ADPRHL1: variants seen among roughly 807,000 people sequenced by gnomAD.
ADPRHL1 encodes inactive ADP-ribosyltransferase ARH2.
ADPRHL1 carries 43 observed loss-of-function variants against 44.1 expected under a neutral mutation model. The observed-to-expected ratio is 0.98, with a 90% CI of 0.76 to 1.26. The LOEUF is 1.26. Ranked by LOEUF, ADPRHL1 falls within the 50% of genes most tolerant of loss-of-function variation. The probability of loss-of-function intolerance (pLI) is 0.00; values close to 1 mark genes in which losing one functional copy is unlikely to be tolerated. For synonymous variants in ADPRHL1, 878 were observed against 1,017.4 expected (o/e 0.86, Z 2.61); for missense variants, 2,022 against 2,496.9 (o/e 0.81, Z 4.05).
chr13:113,423,016 C>G (rs765192950), intron 6 of ADPRHL1, 37 bp from the exon 7 acceptor site: 1 of 1,611,416 alleles, frequency 6.2e-7, no homozygotes, highest in South Asian at 1.1e-5. Context: ...TGGGCTCCAC[C>G]TGACCAGGGC....
At chr13:113,427,412 C>T (rs2043975143) in intron 4 of ADPRHL1, among the ~76,000 whole-genome samples, 2 of 152,252 alleles carry the variant, frequency 1.3e-5, no homozygotes, top group African/African-American at 2.4e-5. Context: ...CCCGGCACCA[C>T]CGGCTTAGCC....
intron 1 of ADPRHL1, among the ~76,000 whole-genome samples, chr13:113,450,094 G>A (rs930392243): frequency 1.3e-5 from 2 of 152,182 alleles, no homozygotes; most frequent in African/African-American, 2.4e-5. Flanking sequence ...CACCATTGTC[G>A]TTTTGTAGAG....
rs1401423004 is a variant in ADPRHL1, at chr13:113,409,105, C to T, written c.1062-885G>A. ...GTGAGATGTTTTTCTGCAGGTTCAC[C>T]AGGGATTCCTTCCCACCAGCCCAGC... On this transcript the variant is annotated intron_variant, in intron 7 of 7. Transcript: ENST00000612156. This position sits in a 1 kb window ranked among gnomAD's most constrained non-coding sequence, Gnocchi z 4.2. 6.6e-6 allele frequency among the ~76,000 whole-genome samples: 1 copy of T among 152,204 alleles called. No individual in the cohort carries two copies. Among genetic ancestry groups the T allele is most frequent in the Non-Finnish European group, 1.5e-5 (1 of 68,040 alleles).
At chr13:113,414,982 C>T (rs1211007870) in intron 7 of ADPRHL1, among the ~76,000 whole-genome samples, 2 of 152,170 alleles carry the variant, frequency 1.3e-5, no homozygotes, top group Non-Finnish European at 2.9e-5. Flanking sequence ...TCAGCCTCTT[C>T]TGTTTTTATG....
chr13:113,449,381 G>A (rs1345566409), intron 1 of ADPRHL1: 1 of 239,456 alleles, frequency 4.2e-6, no homozygotes, highest in Non-Finnish European at 6.7e-6. Context: ...GAGGGACCCT[G>A]TTCAGAGAGG....
At position 113,406,162 on chromosome 13, in the gene ADPRHL1, C is replaced by T. The variant is rs1431214826; in HGVS notation, c.3120G>A (p.Thr1040=). ...PTGRNPTGAP[T]SLAASSKGRT... is the part of the protein sequence containing the mutation. ...GCCCCTTGGATGATGCCGCCAGTGA[C>T]GTGGGGGCTCCTGTTGGGTTTCTCC... The change falls in exon 8 of 8, where the codon ACG becomes ACA. Residue 1040 remains threonine, a synonymous_variant. Coordinates refer to ENST00000612156, the MANE Select transcript of ADPRHL1 (RefSeq NM_001394807.1). The T allele has an allele frequency of 9.7e-6, 12 of 1,232,036 alleles. No homozygotes were observed. The highest frequency in any genetic ancestry group is 1.6e-5 in the African/African-American group (1 of 64,430). 76.3% of individuals were successfully genotyped at this position (1,232,036 alleles called of 1,614,324 possible).
intron 2 of ADPRHL1, among the ~76,000 whole-genome samples, chr13:113,439,298 T>G (rs1199623460): frequency 6.6e-6 from 1 of 152,110 alleles, no homozygotes; most frequent in Non-Finnish European, 1.5e-5. Context: ...AATTTTTGTA[T>G]TTTTAGTAGA....
At chr13:113,449,862 C>T (rs540351385) in intron 1 of ADPRHL1, among the ~76,000 whole-genome samples, 3 of 152,356 alleles carry the variant, frequency 2.0e-5, no homozygotes, top group Admixed American at 6.5e-5. Flanking sequence ...AGGATGCTTA[C>T]GAGCACAGGG....
intron 1 of ADPRHL1, among the ~76,000 whole-genome samples, chr13:113,447,133 GCAAGTTGTATGTGCATGGCGTCTACAC>G: frequency 6.8e-6 from 1 of 146,444 alleles, no homozygotes; most frequent in Non-Finnish European, 1.5e-5. Context: ...GTGTCTACAT[GCAAGTTGTATGTGCATGGCGTCTACAC>G]TCACGGTGTT....
rs141232057 is a variant in ADPRHL1, at chr13:113,451,291, A to G, written c.214+1933T>C. Among the ~76,000 whole-genome samples the G allele has an allele frequency of 4.0e-3, 614 of 152,274 alleles. 4 individuals are homozygous for G. Among genetic ancestry groups the G allele is most frequent in the African/African-American group, 0.013 (537 of 41,542 alleles). ...TCATATATAATCATATCTAAGATCTATATCTGGTATAACTATTCTTGTTTT... is the reference window on the plus strand; with the variant it reads ...TCATATATAATCATATCTAAGATCTGTATCTGGTATAACTATTCTTGTTTT... On this transcript the variant is annotated intron_variant, in intron 1 of 7. Transcript: ENST00000612156.
Position 113,405,026 on chromosome 13 carries a change from G to C in ADPRHL1, c.4256C>G (p.Ala1419Gly). 8.1e-7 allele frequency: 1 copy of C among 1,233,010 alleles called. No homozygotes were observed. Among genetic ancestry groups the C allele is most frequent in the Non-Finnish European group, 1.0e-6 (1 of 988,836 alleles). The allele number at this position is 1,233,010 out of a possible 1,614,324, so 76.4% of individuals were successfully genotyped here. A position where few individuals can be genotyped will look rare whatever the true frequency, so the allele number is the denominator to read the frequency against. Reference sequence around the variant, plus strand: ...CCCTTTGTCCCCGGCCAGATCCTGTGCCCACCATGTCTGAGGCTCTTTTGC... The same window carrying C: ...CCCTTTGTCCCCGGCCAGATCCTGTCCCCACCATGTCTGAGGCTCTTTTGC... Reference protein sequence around the residue: ...NPAKEPQTWWAQDLAGDKGMA... With the variant: ...NPAKEPQTWWGQDLAGDKGMA... Residue 1419 changes from alanine (A) to glycine (G), a missense_variant, in exon 8 of 8, where the codon GCA becomes GGA. Ala to Gly is a moderately conservative substitution (Grantham distance 60). This residue lies in a region of ADPRHL1 where 1,221 missense variants were observed against 1,517.8 expected (regional missense o/e 0.80). Coordinates refer to ENST00000612156, the MANE Select transcript of ADPRHL1 (RefSeq NM_001394807.1).
rs540282134 is a variant in ADPRHL1, at chr13:113,420,953, C to T, written c.1061+1873G>A. Among the ~76,000 whole-genome samples the T allele has an allele frequency of 7.7e-5, 3 of 39,022 alleles. No homozygotes were observed. The East Asian group carries it at 2.5e-3, about 33-fold the overall frequency. 25.6% of individuals were successfully genotyped at this position (39,022 alleles called of 152,430 possible). On this transcript the variant is annotated intron_variant, in intron 7 of 7. Transcript: ENST00000612156. ...CCACCCCTGGGACAACCCTACCCCCCCCGACACGCCCTGGGACACGCCCAC... is the reference window on the plus strand; with the variant it reads ...CCACCCCTGGGACAACCCTACCCCCTCCGACACGCCCTGGGACACGCCCAC...
chr13:113,422,721 A>C, intron 7 of ADPRHL1, 105 bp downstream of exon 7: 1 of 1,451,040 alleles, frequency 6.9e-7, no homozygotes, highest in Admixed American at 2.2e-5. Flanking sequence ...CACAGACCGC[A>C]GTGGAGCCTC....
chr13:113,413,102 C>G (rs554129439), intron 7 of ADPRHL1, among the ~76,000 whole-genome samples: 1 of 127,284 alleles, frequency 7.9e-6, no homozygotes, highest in South Asian at 2.5e-4. Flanking sequence ...CCGCAGAGCT[C>G]GGTTCACCCA....
chr13:113,444,406 AG>A lies in ADPRHL1; in HGVS notation c.379+18del, dbSNP rs2044121405. On this transcript the variant is annotated intron_variant, in intron 2 of 7. Coordinates refer to ENST00000612156, the MANE Select transcript of ADPRHL1 (RefSeq NM_001394807.1). ...CCCAGCAGGGTGGCTTTAGGGGGAG[AG>A]GAGAGGATTTCCCTGACCTTTTTCA... 1.2e-6 allele frequency: 2 copies of A among 1,610,658 alleles called. No individual in the cohort carries two copies. Among genetic ancestry groups the A allele is most frequent in the South Asian group, 2.2e-5 (2 of 90,864 alleles).
intron 7 of ADPRHL1, among the ~76,000 whole-genome samples, chr13:113,417,151 C>T (rs1011652552): frequency 6.6e-6 from 1 of 152,210 alleles, no homozygotes; most frequent in African/African-American, 2.4e-5. Flanking sequence ...CCGGATGCAC[C>T]AGCACCCCAC....
Position 113,408,000 on chromosome 13 carries a change from G to A in ADPRHL1, c.1282C>T (p.Arg428Cys), listed in dbSNP as rs1048306011. The change falls in exon 8 of 8, where the codon CGC becomes TGC. Residue 428 changes from arginine (R) to cysteine (C), a missense_variant. Arg to Cys is a radical substitution (Grantham distance 180). Transcript: ENST00000612156. ...QTQEATQRPT[R>C]FQLLQAKFLG... ...AACTTGGCCTGCAGGAGCTGGAAGCGCGTGGGCCGCTGGGTGGCCTCCTGG... is the reference window on the plus strand; with the variant it reads ...AACTTGGCCTGCAGGAGCTGGAAGCACGTGGGCCGCTGGGTGGCCTCCTGG... The A allele has an allele frequency of 1.4e-5, 17 of 1,232,564 alleles. No individual in the cohort carries two copies. Among genetic ancestry groups the A allele is most frequent in the Non-Finnish European group, 1.4e-5 (14 of 988,544 alleles). 76.4% of individuals were successfully genotyped at this position (1,232,564 alleles called of 1,614,324 possible).
At chr13:113,425,788 C>T (rs2043964276) in intron 4 of ADPRHL1, among the ~76,000 whole-genome samples, 1 of 151,542 alleles carries the variant, frequency 6.6e-6, no homozygotes, top group South Asian at 2.1e-4. Flanking sequence ...TCAAGCGATT[C>T]TCCTGCCTCA....
chr13:113,453,117 G>A lies in ADPRHL1; in HGVS notation c.214+107C>T, dbSNP rs530655993. 36 of 1,229,298 alleles carry A rather than the reference G, an allele frequency of 2.9e-5. No homozygotes were observed. The highest frequency in any genetic ancestry group is 2.5e-4 in the African/African-American group (17 of 67,082). 76.1% of individuals were successfully genotyped at this position (1,229,298 alleles called of 1,614,324 possible). ...GCAGCGGTATCAGGTAACACCATCC[G>A]CTGAAGGACCGCACTGCCTTCAAAG... On this transcript the variant is annotated intron_variant, in intron 1 of 7. Transcript: ENST00000612156. The surrounding 1 kb of genome is among the most constrained non-coding windows in gnomAD (Gnocchi z 5.4).
Sources: allele counts gnomAD v4.1 joint callset (sites outside exome capture counted in the v4.1 genomes callset), GRCh38; gene constraint gnomAD v4.1.1; regional missense constraint gnomAD v4.1.1; non-coding constraint Gnocchi (gnomAD v3.1); transcripts MANE v1.5; gene names NCBI Gene and HGNC (gene_info 2026-07-23, HGNC 2026-07-21).